Variants in CCNF observed in about 807,000 individuals in gnomAD.
CCNF encodes cyclin-F.
CCNF carries 30 observed loss-of-function variants against 85.4 expected under a neutral mutation model. That is an observed-to-expected ratio of 0.35 (90% CI 0.26 to 0.48). CCNF has a LOEUF of 0.48. CCNF is among the 20% of genes least tolerant of loss of function. CCNF has a pLI of 0.99. For missense variants in CCNF, 919 were observed against 1,010.4 expected (o/e 0.91, Z 1.23); for synonymous variants, 439 against 425.1 (o/e 1.03, Z -0.40).
rs2065270775 is a variant in CCNF, at chr16:2,433,083, G to T, written c.278+16G>T. 1.3e-6 allele frequency: 2 copies of T among 1,543,010 alleles called. No individual in the cohort carries two copies. The highest frequency in any genetic ancestry group is 1.8e-6 in the Non-Finnish European group (2 of 1,120,088). ...TCTTTGAAAGGTATCTCTGCACCCTGAGAATGGCTCAGTCTTCTCCTGCCT... is the reference window on the plus strand; with the variant it reads ...TCTTTGAAAGGTATCTCTGCACCCTTAGAATGGCTCAGTCTTCTCCTGCCT... On this transcript the variant is annotated intron_variant, in intron 3 of 16. Transcript: ENST00000397066.
At chr16:2,436,015 C>G (rs2065289252) in intron 4 of CCNF, 142 bp downstream of exon 4, 2 of 565,662 alleles carry the variant, frequency 3.5e-6, no homozygotes, top group African/African-American at 3.8e-5. Flanking sequence ...CTCTCAGGAG[C>G]TCGTGCCCAG....
chr16:2,429,450 C>G lies in CCNF; in HGVS notation c.-32C>G. 2.5e-6 allele frequency: 3 copies of G among 1,217,716 alleles called. No individual in the cohort carries two copies. Among genetic ancestry groups the G allele is most frequent in the South Asian group, 4.1e-5 (1 of 24,292 alleles). 75.4% of individuals were successfully genotyped at this position (1,217,716 alleles called of 1,614,324 possible). ...GCCGGGGCGCGGGCGCGCTCTCAGG[C>G]GGGCTCCGGCGGCAGCGACGCGAGC... On this transcript the variant is annotated 5_prime_UTR_variant, in exon 1 of 17. Coordinates refer to ENST00000397066, the MANE Select transcript of CCNF (RefSeq NM_001761.3).
At chr16:2,437,384 A>T in intron 5 of CCNF, 62 bp downstream of exon 5, 4 of 1,315,356 alleles carry the variant, frequency 3.0e-6, no homozygotes, top group Non-Finnish European at 4.1e-6. Flanking sequence ...ACACAGGAAG[A>T]CCCCGAGGGT....
intron 13 of CCNF, among the ~76,000 whole-genome samples, chr16:2,450,232 G>C (rs945093476): frequency 6.7e-6 from 1 of 149,804 alleles, no homozygotes; most frequent in African/African-American, 2.5e-5. Context: ...AGGCATGGTG[G>C]CTCACACCTG....
At chr16:2,430,318 G>A (rs1019668728) in intron 1 of CCNF, among the ~76,000 whole-genome samples, 1 of 152,116 alleles carries the variant, frequency 6.6e-6, no homozygotes, top group Non-Finnish European at 1.5e-5. Flanking sequence ...CTGTTTCCCT[G>A]TGAAATAAGG....
In CCNF at chr16:2,443,630, T is replaced by C; in HGVS notation, c.778-19T>C. 6.2e-7 allele frequency: 1 copy of C among 1,610,020 alleles called. No individual in the cohort carries two copies. Among genetic ancestry groups the C allele is most frequent in the South Asian group, 1.1e-5 (1 of 91,008 alleles). ...ACATGGCTGCTGTCTCACGCTCATG[T>C]TTGTCTTTTCTTCCTCAGCTGTCTT... is the stretch of plus-strand genomic sequence containing the variant. On this transcript the variant is annotated intron_variant, in intron 8 of 16. Transcript: ENST00000397066.
rs557511212 is a variant in CCNF at position 2,454,857 on chromosome 16, C to G, written c.1716-538C>G. Reference sequence around the variant, plus strand: ...GGCGGATCACCTGAAGTTAGGAGTTCGAGACCAACCTGCCCATCATGGTGA... The same window carrying G: ...GGCGGATCACCTGAAGTTAGGAGTTGGAGACCAACCTGCCCATCATGGTGA... On this transcript the variant is annotated intron_variant, in intron 15 of 16. Coordinates refer to ENST00000397066, the MANE Select transcript of CCNF (RefSeq NM_001761.3). 2.0e-5 allele frequency among the ~76,000 whole-genome samples: 3 copies of G among 152,030 alleles called. No individual in the cohort carries two copies. The East Asian group carries it at 5.8e-4, about 29-fold the overall frequency.
chr16:2,445,655 C>T (rs372531268), intron 10 of CCNF, 33 bp downstream of exon 10: 85 of 1,598,684 alleles, frequency 5.3e-5, no homozygotes, highest in South Asian at 5.2e-4. Context: ...CTGGCAGGGA[C>T]GTGCTGGCCT....
Position 2,452,884 on chromosome 16 carries a change from C to G in CCNF, c.1488-326C>G. The G allele has an allele frequency of 2.8e-6, 1 of 354,436 alleles. No individual in the cohort carries two copies. Among genetic ancestry groups the G allele is most frequent in the Non-Finnish European group, 5.3e-6 (1 of 190,158 alleles). 22.0% of individuals were successfully genotyped at this position (354,436 alleles called of 1,614,324 possible). A position where few individuals can be genotyped will look rare whatever the true frequency, so the allele number is the denominator to read the frequency against. On this transcript the variant is annotated intron_variant, in intron 13 of 16. Coordinates refer to ENST00000397066, the MANE Select transcript of CCNF (RefSeq NM_001761.3). This position sits in a 1 kb window ranked among gnomAD's most constrained non-coding sequence, Gnocchi z 4.1. ...TGTGTGTCCCTGCTTTGTTCTTTTTCATGGCTGAATAATATTCCCCTGCAT... is the reference window on the plus strand; with the variant it reads ...TGTGTGTCCCTGCTTTGTTCTTTTTGATGGCTGAATAATATTCCCCTGCAT...
chr16:2,433,548 G>A (rs534162781), intron 3 of CCNF, among the ~76,000 whole-genome samples: 1 of 152,220 alleles, frequency 6.6e-6, no homozygotes, highest in Admixed American at 6.5e-5. Context: ...GCTCAGGCGG[G>A]GATTTTTCTT....
intron 15 of CCNF, among the ~76,000 whole-genome samples, chr16:2,454,252 T>C (rs1002703476): frequency 1.3e-5 from 2 of 152,176 alleles, no homozygotes; most frequent in Non-Finnish European, 2.9e-5. Context: ...TGGGGAGCCC[T>C]GGGGAAGCAG....
At chr16:2,440,598 G>C (rs867772933) in intron 8 of CCNF, among the ~76,000 whole-genome samples, 43 of 151,158 alleles carry the variant, frequency 2.8e-4, no homozygotes, top group Middle Eastern at 6.8e-3. Context: ...CTGTCTGAAG[G>C]AAAAAAAAAG....
rs1395238832 is a variant in CCNF at position 2,453,866 on chromosome 16, G to T, written c.1715+329G>T. On this transcript the variant is annotated intron_variant, in intron 15 of 16. Coordinates refer to ENST00000397066, the MANE Select transcript of CCNF (RefSeq NM_001761.3). The surrounding 1 kb of genome is among the most constrained non-coding windows in gnomAD (Gnocchi z 5.6). ...TGTCATGCGCGTCCTGGACTTCTCT[G>T]CTCCATGATGCTGCTGTCACTCCCG... Among the ~76,000 whole-genome samples the T allele has an allele frequency of 2.6e-5, 4 of 152,140 alleles. No homozygotes were observed. Among genetic ancestry groups the T allele is most frequent in the Non-Finnish European group, 5.9e-5 (4 of 68,012 alleles).
rs569911553 is a variant in CCNF at position 2,435,600 on chromosome 16, T to G, written c.279-206T>G. Among the ~76,000 whole-genome samples the G allele has an allele frequency of 0.69, 101,796 of 147,562 alleles. 35,353 individuals are homozygous for G. Among genetic ancestry groups the G allele is most frequent in the East Asian group, 0.83 (4,198 of 5,056 alleles). On this transcript the variant is annotated intron_variant, in intron 3 of 16. Transcript: ENST00000397066. ...ACCCTGTCTCAGAGAGAGAGAGATATATATATATATATGCACACACACACA... is the reference window on the plus strand; with the variant it reads ...ACCCTGTCTCAGAGAGAGAGAGATAGATATATATATATGCACACACACACA...
rs1006144003 is a variant in CCNF, at chr16:2,449,731, C to T, written c.1400-97C>T. ...CAGCAGAGCCCACAGAGCTATAGAGCGGGAGTGTTCAGGCGGCTGTCACCA... is the reference window on the plus strand; with the variant it reads ...CAGCAGAGCCCACAGAGCTATAGAGTGGGAGTGTTCAGGCGGCTGTCACCA... On this transcript the variant is annotated intron_variant, in intron 12 of 16. Coordinates refer to ENST00000397066, the MANE Select transcript of CCNF (RefSeq NM_001761.3). 4.6e-5 allele frequency: 39 copies of T among 844,620 alleles called. No individual in the cohort carries two copies. In the East Asian group the frequency reaches 6.1e-4, roughly 13 times the overall value. 52.3% of individuals were successfully genotyped at this position (844,620 alleles called of 1,614,324 possible).
intron 8 of CCNF, among the ~76,000 whole-genome samples, chr16:2,442,922 A>AAT (rs1417620367): frequency 3.6e-5 from 2 of 54,910 alleles, no homozygotes; most frequent in Admixed American, 7.5e-4. Context: ...AATATATATT[A>AAT]ATATATATGA....
intron 9 of CCNF, among the ~76,000 whole-genome samples, chr16:2,444,203 G>A (rs1306855998): frequency 6.6e-6 from 1 of 151,838 alleles, no homozygotes; most frequent in Non-Finnish European, 1.5e-5. Context: ...ACAGGCGTGA[G>A]CCACCGCGCC....
rs920051193 is a variant in CCNF, at chr16:2,429,517, C to A, written c.16+20C>A. 22 of 1,230,424 alleles carry A rather than the reference C, an allele frequency of 1.8e-5. No homozygotes were observed. The highest frequency in any genetic ancestry group is 2.2e-5 in the Non-Finnish European group (22 of 985,916). The allele number at this position is 1,230,424 out of a possible 1,614,324, so 76.2% of individuals were successfully genotyped here. On this transcript the variant is annotated intron_variant, in intron 1 of 16. Coordinates refer to ENST00000397066, the MANE Select transcript of CCNF (RefSeq NM_001761.3). Reference sequence around the variant, plus strand: ...GCGGCGGTGAGTGCGGGGCGATGTCCGCTGGTTTCTGCCCCACACCCCTTC... The same window carrying A: ...GCGGCGGTGAGTGCGGGGCGATGTCAGCTGGTTTCTGCCCCACACCCCTTC...
In CCNF at chr16:2,456,553, C is replaced by T. The variant is rs2065428618; in HGVS notation, c.1894C>T (p.Pro632Ser). ...EGEKEGDVTAPSGILDVTVVY... is the reference protein window; with the variant it reads ...EGEKEGDVTASSGILDVTVVY... The stretch of plus-strand genomic sequence containing the variant: ...CACCAACCTTCCTGCAGTGACAGCT[C>T]CCAGCGGCATCCTCGATGTCACCGT... Residue 632 changes from proline (P) to serine (S), a missense_variant, in exon 17 of 17, where the codon CCC becomes TCC. This residue lies in a region of CCNF where 505 missense variants were observed against 514.8 expected (regional missense o/e 0.98). Coordinates refer to ENST00000397066, the MANE Select transcript of CCNF (RefSeq NM_001761.3). The surrounding 1 kb of genome is among the most constrained non-coding windows in gnomAD (Gnocchi z 4.5). 6.5e-7 allele frequency: 1 copy of T among 1,537,202 alleles called. No individual in the cohort carries two copies. The highest frequency in any genetic ancestry group is 1.4e-5 in the African/African-American group (1 of 72,666).
Sources: allele counts gnomAD v4.1 joint callset (sites outside exome capture counted in the v4.1 genomes callset), GRCh38; gene constraint gnomAD v4.1.1; regional missense constraint gnomAD v4.1.1; non-coding constraint Gnocchi (gnomAD v3.1); transcripts MANE v1.5; gene names NCBI Gene and HGNC (gene_info 2026-07-23, HGNC 2026-07-21).